The following GPC5 variants were observed in gnomAD, a reference collection of about 807,000 sequenced individuals.
GPC5 encodes the protein glypican-5.
GPC5 carries 47 observed loss-of-function variants against 53.9 expected under a neutral mutation model. The observed-to-expected ratio is 0.87, with a 90% CI of 0.69 to 1.11. The LOEUF (loss-of-function observed/expected upper bound fraction) is 1.11. Among genes scored for constraint, GPC5 ranks in the 50% most tolerant of loss-of-function variants. The pLI, the probability that GPC5 is intolerant of heterozygous loss-of-function variation, is 0.00. For missense variants in GPC5, 748 were observed against 713.1 expected (o/e 1.05, Z -0.56); for synonymous variants, 286 against 263.3 (o/e 1.09, Z -0.84).
At chr13:91,554,208 C>T (rs1210768459) in intron 2 of GPC5, among the ~76,000 whole-genome samples, 1 of 151,896 alleles carries the variant, frequency 6.6e-6, no homozygotes, top group Non-Finnish European at 1.5e-5. Context: ...GTTTACCTGT[C>T]AGGCTAGGAA....
chr13:92,195,993 G>T (rs2139053644), intron 7 of GPC5, among the ~76,000 whole-genome samples: 1 of 152,286 alleles, frequency 6.6e-6, no homozygotes, highest in South Asian at 2.1e-4. Flanking sequence ...GCATGGAACT[G>T]CCAAGACTTT....
intron 7 of GPC5, among the ~76,000 whole-genome samples, chr13:92,424,690 C>T (rs962799555): frequency 7.9e-5 from 12 of 151,836 alleles, no homozygotes; most frequent in African/African-American, 2.9e-4. Context: ...ACTAGTCTCA[C>T]CTTTTTTGAT....
At chr13:91,779,411 A>T (rs889210274) in intron 5 of GPC5, among the ~76,000 whole-genome samples, 1 of 151,744 alleles carries the variant, frequency 6.6e-6, no homozygotes, top group Admixed American at 6.6e-5. Flanking sequence ...CCCAGGCTGG[A>T]GTGCAGTGGC....
intron 7 of GPC5, among the ~76,000 whole-genome samples, chr13:92,632,132 G>A (rs1203020053): frequency 1.3e-5 from 2 of 151,874 alleles, no homozygotes; most frequent in Non-Finnish European, 2.9e-5. Context: ...CAAAAGTCAG[G>A]GCAACAGAAG....
chr13:92,857,858 A>G (rs1202960484), intron 7 of GPC5, among the ~76,000 whole-genome samples: 1 of 152,138 alleles, frequency 6.6e-6, no homozygotes, highest in East Asian at 1.9e-4. Flanking sequence ...GGGAATATTT[A>G]TACATTTCTG....
Position 92,595,491 on chromosome 13 carries a change from G to A in GPC5, c.1562-270791G>A, listed in dbSNP as rs967084491. The stretch of plus-strand genomic sequence containing the variant: ...AAGTCAAAAGATAGTATTTACGGCC[G>A]GGCGCGGTGGCTCACGCCTGTAATC... On this transcript the variant is annotated intron_variant, in intron 7 of 7. Transcript: ENST00000377067. Among the ~76,000 whole-genome samples the A allele has an allele frequency of 4.6e-5, 7 of 152,188 alleles. No individual in the cohort carries two copies. The South Asian group carries it at 1.0e-3, about 23-fold the overall frequency.
chr13:92,563,358 A>G (rs1418044173), intron 7 of GPC5, among the ~76,000 whole-genome samples: 2 of 152,070 alleles, frequency 1.3e-5, no homozygotes, highest in Non-Finnish European at 2.9e-5. Context: ...TAAAAGAAAC[A>G]TAACAGATGA....
At chr13:92,017,709 G>A (rs926995517) in intron 6 of GPC5, among the ~76,000 whole-genome samples, 2 of 151,878 alleles carry the variant, frequency 1.3e-5, no homozygotes, top group African/African-American at 4.8e-5. Context: ...GTCTATACAT[G>A]TGCACAAGTA....
chr13:92,339,183 T>C (rs1035149554), intron 7 of GPC5, among the ~76,000 whole-genome samples: 5 of 147,568 alleles, frequency 3.4e-5, no homozygotes, highest in Non-Finnish European at 7.6e-5. Flanking sequence ...ATTTATATTA[T>C]ATATTATATA....
chr13:92,648,260 A>T lies in GPC5; in HGVS notation c.1562-218022A>T, dbSNP rs186888987. Among the ~76,000 whole-genome samples, 415 of 152,170 alleles carry T rather than the reference A, an allele frequency of 2.7e-3. 5 individuals are homozygous for T. The highest frequency in any genetic ancestry group is 5.0e-4 in the Non-Finnish European group (34 of 67,972). On this transcript the variant is annotated intron_variant, in intron 7 of 7. Coordinates refer to ENST00000377067, the MANE Select transcript of GPC5 (RefSeq NM_004466.6). The stretch of plus-strand genomic sequence containing the variant: ...GATAGAATTATGCTGAGTTACTACA[A>T]ATGAAACCAATTTTGATACATTATT...
At chr13:92,450,536 T>A (rs958674372) in intron 7 of GPC5, among the ~76,000 whole-genome samples, 3 of 152,098 alleles carry the variant, frequency 2.0e-5, no homozygotes, top group African/African-American at 7.2e-5. Context: ...GAGTTCAGGT[T>A]TTTGGATTGG....
At chr13:92,132,769 A>G (rs565885649) in intron 6 of GPC5, among the ~76,000 whole-genome samples, 4 of 152,160 alleles carry the variant, frequency 2.6e-5, no homozygotes, top group Admixed American at 2.0e-4. Flanking sequence ...TTAGGACATT[A>G]GCATATATTT....
In GPC5 at chr13:92,752,743, A is replaced by G. The variant is rs1003947028; in HGVS notation, c.1562-113539A>G. Among the ~76,000 whole-genome samples, 7 of 152,118 alleles carry G rather than the reference A, an allele frequency of 4.6e-5. No individual in the cohort carries two copies. In the East Asian group the frequency reaches 1.4e-3, roughly 30 times the overall value. ...AAGGGGTGACGGAGGGCACCTGGAA[A>G]ATCGGGTCACTTCCACCCGAATACT... On this transcript the variant is annotated intron_variant, in intron 7 of 7. Transcript: ENST00000377067.
At chr13:92,244,521 A>G (rs1332779436) in intron 7 of GPC5, among the ~76,000 whole-genome samples, 1 of 152,166 alleles carries the variant, frequency 6.6e-6, no homozygotes, top group Admixed American at 6.5e-5. Context: ...GAGATTTATA[A>G]CGTTATGGTC....
At chr13:91,851,954 T>A (rs1297422829) in intron 5 of GPC5, among the ~76,000 whole-genome samples, 1 of 150,368 alleles carries the variant, frequency 6.7e-6, no homozygotes, top group Non-Finnish European at 1.5e-5. Flanking sequence ...AATGCCGCAA[T>A]AAACATACGC....
intron 5 of GPC5, among the ~76,000 whole-genome samples, chr13:91,799,600 A>G (rs2038101804): frequency 6.6e-6 from 1 of 152,136 alleles, no homozygotes; most frequent in Non-Finnish European, 1.5e-5. Flanking sequence ...TTATAGCAGG[A>G]TCTATAATAA....
chr13:92,329,556 C>G (rs2043274674), intron 7 of GPC5, among the ~76,000 whole-genome samples: 1 of 152,108 alleles, frequency 6.6e-6, no homozygotes, highest in African/African-American at 2.4e-5. Context: ...CAAACTATGT[C>G]CCCTCCAAAC....
chr13:92,849,277 C>T (rs959092441), intron 7 of GPC5, among the ~76,000 whole-genome samples: 4 of 152,096 alleles, frequency 2.6e-5, no homozygotes, highest in African/African-American at 9.7e-5. Context: ...TTTTGTTTAG[C>T]TATCCCCTGG....
chr13:92,590,626 T>C (rs1436769229), intron 7 of GPC5, among the ~76,000 whole-genome samples: 1 of 152,188 alleles, frequency 6.6e-6, no homozygotes, highest in Admixed American at 6.5e-5. Flanking sequence ...TTACAAAATA[T>C]CTGGAACCGA....
Sources: gnomAD v4.1 joint callset for allele counts (sites outside exome capture counted in the v4.1 genomes callset) on GRCh38, gnomAD v4.1.1 for gene constraint, MANE v1.5 for transcripts, NCBI Gene and HGNC (gene_info 2026-07-23, HGNC 2026-07-21) for gene names.